The following MED27 variants were observed in gnomAD, a reference collection of about 807,000 sequenced individuals.
The protein encoded by MED27 is mediator of RNA polymerase II transcription subunit 27.
A neutral mutation model predicts 38.2 loss-of-function variants in MED27; 30 were observed. The ratio of observed to expected loss-of-function variants is 0.79; its 90% confidence interval spans 0.59 to 1.07. The LOEUF (loss-of-function observed/expected upper bound fraction) is 1.07. Among genes scored for constraint, MED27 ranks in the 50% least tolerant of loss-of-function variants. The probability of loss-of-function intolerance (pLI) is 0.00; values close to 1 mark genes in which losing one functional copy is unlikely to be tolerated. For synonymous variants in MED27, 122 were observed against 153.5 expected (o/e 0.79, Z 1.52); for missense variants, 289 against 397.5 (o/e 0.73, Z 2.32).
At chr9:131,951,176 C>T (rs374078086) in intron 3 of MED27, among the ~76,000 whole-genome samples, 1 of 152,220 alleles carries the variant, frequency 6.6e-6, no homozygotes, top group East Asian at 1.9e-4. Flanking sequence ...GAATTGCTTT[C>T]GGGTGTCTAC....
At chr9:131,978,430 T>C (rs937937755) in intron 3 of MED27, among the ~76,000 whole-genome samples, 3 of 152,200 alleles carry the variant, frequency 2.0e-5, no homozygotes, top group Non-Finnish European at 4.4e-5. Flanking sequence ...CAGCTGACAT[T>C]ACAGAACTAT....
intron 2 of MED27, among the ~76,000 whole-genome samples, chr9:132,060,318 T>G (rs1049344565): frequency 6.6e-6 from 1 of 152,042 alleles, no homozygotes; most frequent in African/African-American, 2.4e-5. Context: ...AGATGAGTGT[T>G]CACAAAAAGC....
At chr9:131,884,349 G>T (rs1839100586) in intron 5 of MED27, among the ~76,000 whole-genome samples, 1 of 152,166 alleles carries the variant, frequency 6.6e-6, no homozygotes, top group Non-Finnish European at 1.5e-5. Flanking sequence ...TGCTTCCAAG[G>T]CTCCTGCAAG....
intron 4 of MED27, among the ~76,000 whole-genome samples, chr9:131,937,341 C>T (rs1830702980): frequency 1.3e-5 from 2 of 152,124 alleles, no homozygotes; most frequent in African/African-American, 4.8e-5. Flanking sequence ...GTTCCTGTGT[C>T]GCTGAAGAAA....
In MED27 at chr9:131,883,946, TCTGG is replaced by T; in HGVS notation, c.723+108_723+111del. The T allele has an allele frequency of 1.1e-6, 1 of 904,874 alleles. No homozygotes were observed. The highest frequency in any genetic ancestry group is 1.6e-5 in the South Asian group (1 of 61,486). 56.1% of individuals were successfully genotyped at this position (904,874 alleles called of 1,614,324 possible). On this transcript the variant is annotated intron_variant, in intron 6 of 7. Transcript: ENST00000292035. This position sits in a 1 kb window ranked among gnomAD's most constrained non-coding sequence, Gnocchi z 4.2. ...ATCAGACAGTGAGCATCCTTTTCTG[TCTGG>T]CTTTTTTCACTTTTTCAAAAGCCTC...
chr9:131,947,814 T>C (rs1830913006), intron 3 of MED27, among the ~76,000 whole-genome samples: 1 of 152,192 alleles, frequency 6.6e-6, no homozygotes, highest in African/African-American at 2.4e-5. Flanking sequence ...CTGTTCATTT[T>C]CTCCACCCGT....
intron 2 of MED27, among the ~76,000 whole-genome samples, chr9:132,031,691 T>G (rs959309290): frequency 6.6e-6 from 1 of 151,944 alleles, no homozygotes; most frequent in African/African-American, 2.4e-5. Flanking sequence ...CATAGCAGAG[T>G]TGGGCAAGAC....
In MED27 at chr9:131,883,911, T is replaced by C. The variant is rs913469150; in HGVS notation, c.723+147A>G. 7 of 664,330 alleles carry C rather than the reference T, an allele frequency of 1.1e-5. No individual in the cohort carries two copies. The highest frequency in any genetic ancestry group is 3.2e-5 in the Admixed American group (1 of 31,390). The allele number at this position is 664,330 out of a possible 1,614,324, so 41.2% of individuals were successfully genotyped here. ...GGTTTTGTTTTTTTCCAGAATGTCA[T>C]ACATATGGAATCAGACAGTGAGCAT... On this transcript the variant is annotated intron_variant, in intron 6 of 7. Transcript: ENST00000292035. The surrounding 1 kb of genome is among the most constrained non-coding windows in gnomAD (Gnocchi z 4.2).
At position 131,917,561 on chromosome 9, in the gene MED27, G is replaced by T. The variant is rs1207422916; in HGVS notation, c.573+21820C>A. On this transcript the variant is annotated intron_variant, in intron 4 of 7. Transcript: ENST00000292035. The surrounding 1 kb of genome is among the most constrained non-coding windows in gnomAD (Gnocchi z 4.6). ...GAGATGAGAGCAGTGAAGATGGGGT[G>T]GGGGGCTAGTGTGCAGGGACGAGGT... Among the ~76,000 whole-genome samples, 4 of 152,012 alleles carry T rather than the reference G, an allele frequency of 2.6e-5. No homozygotes were observed. In the East Asian group the frequency reaches 7.7e-4, roughly 29 times the overall value.
chr9:132,002,363 CAG>C (rs1832255100), intron 3 of MED27, among the ~76,000 whole-genome samples: 1 of 152,172 alleles, frequency 6.6e-6, no homozygotes, highest in Non-Finnish European at 1.5e-5. Context: ...CGAGTACTCT[CAG>C]AGTGACTGGT....
chr9:131,931,176 C>T (rs1023770893), intron 4 of MED27, among the ~76,000 whole-genome samples: 8 of 151,884 alleles, frequency 5.3e-5, no homozygotes, highest in Admixed American at 1.3e-4. Flanking sequence ...GCTCAGGGGG[C>T]GGAGGCTGCA....
At chr9:132,005,883 G>T (rs1832348632) in intron 3 of MED27, among the ~76,000 whole-genome samples, 1 of 152,154 alleles carries the variant, frequency 6.6e-6, no homozygotes. Context: ...ATTGGAAACT[G>T]ATCTCCTCCT....
chr9:132,000,077 C>T (rs1369968437), intron 3 of MED27, among the ~76,000 whole-genome samples: 1 of 71,712 alleles, frequency 1.4e-5, no homozygotes, highest in Non-Finnish European at 2.5e-5. Flanking sequence ...AAAGTAAAAT[C>T]ACTTTTGATC....
intron 3 of MED27, among the ~76,000 whole-genome samples, chr9:131,955,674 C>T (rs1318674529): frequency 1.3e-5 from 2 of 152,160 alleles, no homozygotes; most frequent in Non-Finnish European, 2.9e-5. Flanking sequence ...AGTTATATAA[C>T]TGACATGAGA....
Position 131,883,889 on chromosome 9 carries a change from T to G in MED27, c.723+169A>C, listed in dbSNP as rs1839091139. The G allele has an allele frequency of 3.3e-6, 2 of 604,306 alleles. No individual in the cohort carries two copies. Among genetic ancestry groups the G allele is most frequent in the African/African-American group, 3.8e-5 (2 of 52,942 alleles). 37.4% of individuals were successfully genotyped at this position (604,306 alleles called of 1,614,324 possible). ...CGGATCTGATTTCTGTCCCTAAGGT[T>G]TTGTTTTTTTCCAGAATGTCATACA... On this transcript the variant is annotated intron_variant, in intron 6 of 7. Coordinates refer to ENST00000292035, the MANE Select transcript of MED27 (RefSeq NM_004269.4). This position sits in a 1 kb window ranked among gnomAD's most constrained non-coding sequence, Gnocchi z 4.2.
chr9:131,939,483 GA>G lies in MED27; in HGVS notation c.480-10del. 4.4e-6 allele frequency: 7 copies of G among 1,579,538 alleles called. No homozygotes were observed. Among genetic ancestry groups the G allele is most frequent in the South Asian group, 1.2e-5 (1 of 86,232 alleles). On this transcript the variant is annotated splice_polypyrimidine_tract_variant and intron_variant, in intron 3 of 7. Transcript: ENST00000292035. ...TCACATCATCAACATATCTACATGG[GA>G]AAAAAATAAACATGTGTGAACTACA...
chr9:132,070,758 C>T (rs1177540920), intron 2 of MED27, among the ~76,000 whole-genome samples: 1 of 152,074 alleles, frequency 6.6e-6, no homozygotes, highest in Non-Finnish European at 1.5e-5. Flanking sequence ...TGTGGTTTGT[C>T]CCCAGGATCC....
chr9:132,073,201 CCAT>C (rs1460043555), intron 2 of MED27: 1 of 423,966 alleles, frequency 2.4e-6, no homozygotes, highest in Non-Finnish European at 3.2e-6. Context: ...GCCCTGGCCT[CCAT>C]CATAAGGTCT....
chr9:131,923,217 T>C (rs1564284711), intron 4 of MED27, among the ~76,000 whole-genome samples: 1 of 152,232 alleles, frequency 6.6e-6, no homozygotes, highest in African/African-American at 2.4e-5. Flanking sequence ...TTGATACTGA[T>C]ACTTCCAATC....
Sources: allele counts gnomAD v4.1 joint callset (sites outside exome capture counted in the v4.1 genomes callset), GRCh38; gene constraint gnomAD v4.1.1; non-coding constraint Gnocchi (gnomAD v3.1); transcripts MANE v1.5; gene names NCBI Gene and HGNC (gene_info 2026-07-23, HGNC 2026-07-21).